VPS13B: variants seen among roughly 807,000 people sequenced by gnomAD.
VPS13B encodes the protein intermembrane lipid transfer protein VPS13B.
Under a neutral mutation model 426.4 loss-of-function variants are expected in VPS13B, and 285 were observed. The observed-to-expected ratio is 0.67, with a 90% CI of 0.61 to 0.74. VPS13B has a LOEUF of 0.74. Among genes scored for constraint, VPS13B ranks in the 30% least tolerant of loss-of-function variants. VPS13B has a pLI of 0.00. For missense variants in VPS13B, 4,537 were observed against 4,782.6 expected, an observed-to-expected ratio of 0.95 and a Z score of 1.51; for synonymous variants, 1,676 against 1,676.4, an observed-to-expected ratio of 1.00 and a Z score of 0.01.
intron 21 of VPS13B, among the ~76,000 whole-genome samples, chr8:99,425,678 C>A (rs984931800): frequency 6.6e-6 from 1 of 152,138 alleles, no homozygotes; most frequent in Admixed American, 6.5e-5. Flanking sequence ...CCCTCTCTCA[C>A]CACTCCTGTT....
intron 17 of VPS13B, among the ~76,000 whole-genome samples, chr8:99,223,043 G>A (rs1815815832): frequency 6.6e-6 from 1 of 152,074 alleles, no homozygotes; most frequent in Admixed American, 6.5e-5. Flanking sequence ...CACCAGGCTG[G>A]GGTTGAACTC....
At chr8:99,868,892 T>G (rs1817245951) in intron 59 of VPS13B, among the ~76,000 whole-genome samples, 2 of 152,174 alleles carry the variant, frequency 1.3e-5, no homozygotes, top group South Asian at 4.1e-4. Context: ...GTGGGTGGCC[T>G]TCTCACCCAC....
intron 25 of VPS13B, among the ~76,000 whole-genome samples, chr8:99,484,549 A>T (rs886124033): frequency 6.6e-6 from 1 of 152,158 alleles, no homozygotes; most frequent in Non-Finnish European, 1.5e-5. Flanking sequence ...AAAGGGCAGG[A>T]AGATTTTTAT....
chr8:99,156,745 T>G lies in VPS13B; in HGVS notation c.2208+2T>G. 1 of 1,613,920 alleles carries G rather than the reference T, an allele frequency of 6.2e-7. No homozygotes were observed. Reference sequence around the variant, plus strand: ...TGTTATGTACACTGCTATCTTAAGGTATGAAAAGTGAATTTTCTTGTTTGT... The same window carrying G: ...TGTTATGTACACTGCTATCTTAAGGGATGAAAAGTGAATTTTCTTGTTTGT... On this transcript the variant is annotated splice_donor_variant, in intron 15 of 61. Coordinates refer to ENST00000357162, the MANE Select transcript of VPS13B (RefSeq NM_152564.5). LOFTEE classifies it high-confidence loss of function.
At chr8:99,708,146 A>G (rs1407961996) in intron 36 of VPS13B, among the ~76,000 whole-genome samples, 3 of 152,094 alleles carry the variant, frequency 2.0e-5, no homozygotes, top group Non-Finnish European at 2.9e-5. Context: ...TACACTTTCC[A>G]GTATGCACAG....
At chr8:99,530,487 G>A (rs1456071248) in intron 30 of VPS13B, among the ~76,000 whole-genome samples, 5 of 151,840 alleles carry the variant, frequency 3.3e-5, no homozygotes, top group African/African-American at 9.7e-5. Context: ...GGTGGCTGGC[G>A]CCTGTAATTC....
chr8:99,087,097 G>A (rs937497125), intron 3 of VPS13B, among the ~76,000 whole-genome samples: 2 of 152,176 alleles, frequency 1.3e-5, no homozygotes, highest in East Asian at 1.9e-4. Context: ...GCTGTGGTGG[G>A]CTCCACCCAG....
At chr8:99,871,206 A>G in intron 60 of VPS13B, 1 of 631,740 alleles carries the variant, frequency 1.6e-6, no homozygotes, top group East Asian at 2.8e-5. Flanking sequence ...TGCTATTTCT[A>G]ATGGGGAGAA....
chr8:99,427,667 C>T (rs969153411), intron 21 of VPS13B, among the ~76,000 whole-genome samples: 3 of 152,012 alleles, frequency 2.0e-5, no homozygotes, highest in African/African-American at 7.2e-5. Flanking sequence ...ACATTCCATG[C>T]TCATGGGTAG....
chr8:99,832,229 T>C, intron 51 of VPS13B, 140 bp from the exon 52 acceptor site: 4 of 1,265,174 alleles, frequency 3.2e-6, no homozygotes, highest in Admixed American at 2.8e-5. Flanking sequence ...GCCACTGCAC[T>C]CCCGCCTGCG....
At chr8:99,029,612 A>G (rs1465411459) in intron 2 of VPS13B, among the ~76,000 whole-genome samples, 1 of 151,976 alleles carries the variant, frequency 6.6e-6, no homozygotes, top group Non-Finnish European at 1.5e-5. Context: ...TCTCCACCAA[A>G]AAAAAAAACG....
intron 54 of VPS13B, among the ~76,000 whole-genome samples, chr8:99,844,467 A>G (rs973542738): frequency 6.6e-6 from 1 of 150,624 alleles, no homozygotes; most frequent in Non-Finnish European, 1.5e-5. Flanking sequence ...TCCCGGGTTC[A>G]AGTGATTCTC....
Position 99,442,592 on chromosome 8 carries a change from G to A in VPS13B, c.3402G>A (p.Leu1134=), listed in dbSNP as rs1258557111. The A allele has an allele frequency of 6.2e-7, 1 of 1,613,910 alleles. No homozygotes were observed. Among genetic ancestry groups the A allele is most frequent in the Non-Finnish European group, 8.5e-7 (1 of 1,179,896 alleles). Residue 1134 remains leucine (L), a synonymous_variant, in exon 23 of 62, where the codon CTG becomes CTA. Transcript: ENST00000357162. The part of the protein sequence containing the change: ...ISAGHKYMEP[L]QEIPFVIPRP... ...CTGGGCACAAGTATATGGAACCTCT[G>A]CAGGAGATTCCATTTGTTATCCCAC...
chr8:99,664,695 A>T (rs1488644993), intron 35 of VPS13B, among the ~76,000 whole-genome samples: 1 of 151,970 alleles, frequency 6.6e-6, no homozygotes, highest in East Asian at 1.9e-4. Context: ...TATGTGCCAC[A>T]TTTTCTTAAT....
At chr8:99,091,856 CTT>C (rs1355056086) in intron 3 of VPS13B, 1 of 152,238 alleles carries the variant, frequency 6.6e-6, no homozygotes, top group Non-Finnish European at 1.5e-5. Flanking sequence ...ACAGGTGAGT[CTT>C]AGTTCTTTTC....
chr8:99,140,523 T>C (rs1044164409), intron 12 of VPS13B, among the ~76,000 whole-genome samples: 1 of 152,114 alleles, frequency 6.6e-6, no homozygotes, highest in Non-Finnish European at 1.5e-5. Flanking sequence ...TATTTGGTAT[T>C]GATGATAAGC....
intron 19 of VPS13B, among the ~76,000 whole-genome samples, chr8:99,367,247 T>C (rs559500278): frequency 6.6e-6 from 1 of 152,212 alleles, no homozygotes; most frequent in Admixed American, 6.5e-5. Flanking sequence ...TCCTTCATGT[T>C]TGAATGATAT....
chr8:99,062,130 A>G (rs992936738), intron 3 of VPS13B, among the ~76,000 whole-genome samples: 1 of 152,210 alleles, frequency 6.6e-6, no homozygotes, highest in African/African-American at 2.4e-5. Flanking sequence ...CCCCGAAGTT[A>G]GATCGATTCT....
chr8:99,085,481 A>T (rs961562552), intron 3 of VPS13B, among the ~76,000 whole-genome samples: 3 of 151,808 alleles, frequency 2.0e-5, no homozygotes, highest in Admixed American at 6.6e-5. Flanking sequence ...TTATGTGTGA[A>T]TTTGATCCTG....
Sources: gnomAD v4.1 joint callset for allele counts (sites outside exome capture counted in the v4.1 genomes callset) on GRCh38, gnomAD v4.1.1 for gene constraint, MANE v1.5 for transcripts, NCBI Gene and HGNC (gene_info 2026-07-23, HGNC 2026-07-21) for gene names.